Variants in SH2D4A observed in about 807,000 individuals in gnomAD.
SH2D4A encodes the protein SH2 domain containing 4A.
SH2D4A carries 70 observed loss-of-function variants against 64.7 expected under a neutral mutation model. The observed-to-expected ratio is 1.08, with a 90% CI of 0.89 to 1.32. SH2D4A has a LOEUF of 1.32. Ranked by LOEUF, SH2D4A falls within the 40% of genes most tolerant of loss-of-function variation. The pLI, the probability that SH2D4A is intolerant of heterozygous loss-of-function variation, is 0.00. For synonymous variants in SH2D4A, 268 were observed against 200.7 expected (o/e 1.34, Z -2.83); for missense variants, 706 against 540.1 (o/e 1.31, Z -3.04).
intron 2 of SH2D4A, among the ~76,000 whole-genome samples, chr8:19,324,003 A>G (rs1310305724): frequency 6.6e-6 from 1 of 152,184 alleles, no homozygotes; most frequent in African/African-American, 2.4e-5. Context: ...CAAATAAACT[A>G]CACGTAGAGC....
chr8:19,325,682 G>C (rs1042922547), intron 2 of SH2D4A, among the ~76,000 whole-genome samples: 1 of 152,156 alleles, frequency 6.6e-6, no homozygotes, highest in African/African-American at 2.4e-5. Context: ...ACTGCCCTCT[G>C]CTTCCCTAGG....
chr8:19,327,994 C>G (rs146754431), intron 2 of SH2D4A, among the ~76,000 whole-genome samples: 2 of 152,326 alleles, frequency 1.3e-5, no homozygotes, highest in East Asian at 3.9e-4. Flanking sequence ...TCCCTTTCCT[C>G]TCTCAGCAAC....
intron 4 of SH2D4A, among the ~76,000 whole-genome samples, chr8:19,341,304 T>C (rs1563192173): frequency 6.6e-6 from 1 of 152,210 alleles, no homozygotes; most frequent in East Asian, 1.9e-4. Context: ...TTAACTCTAA[T>C]ATCTAAAAGT....
At chr8:19,368,388 C>T (rs2053038054) in intron 7 of SH2D4A, among the ~76,000 whole-genome samples, 4 of 151,976 alleles carry the variant, frequency 2.6e-5, no homozygotes, top group Admixed American at 2.6e-4. Flanking sequence ...TTTTCTTTTT[C>T]TGTGAAAGAT....
intron 4 of SH2D4A, among the ~76,000 whole-genome samples, chr8:19,337,610 C>T (rs1031345359): frequency 2.0e-5 from 3 of 152,090 alleles, no homozygotes; most frequent in African/African-American, 4.8e-5. Context: ...GGGCAGTTTA[C>T]AAAACAAAGA....
chr8:19,326,987 G>A (rs1035149816), intron 2 of SH2D4A, among the ~76,000 whole-genome samples: 8 of 152,124 alleles, frequency 5.3e-5, no homozygotes, highest in African/African-American at 1.4e-4. Flanking sequence ...GACCAAGCCC[G>A]GCCATCTCCT....
In SH2D4A at chr8:19,364,186, A is replaced by G. The variant is rs144162358; in HGVS notation, c.821A>G (p.Gln274Arg). The G allele has an allele frequency of 1.5e-5, 25 of 1,614,058 alleles. No homozygotes were observed. The highest frequency in any genetic ancestry group is 1.8e-5 in the Non-Finnish European group (21 of 1,180,018). Residue 274 changes from glutamine (Q) to arginine (R), a missense_variant, in exon 7 of 10, where the codon CAA becomes CGA. Coordinates refer to ENST00000265807, the MANE Select transcript of SH2D4A (RefSeq NM_022071.4). ...AAAGGAAGAGGCGGTGAGAGGCTGC[A>G]AAGCCCCTTGCGTGTTCCGCAGAAA... ...AQKGRGGERL[Q>R]SPLRVPQKPE... is the part of the protein sequence containing the mutation.
intron 8 of SH2D4A, among the ~76,000 whole-genome samples, chr8:19,385,821 C>T (rs548681578): frequency 2.8e-4 from 42 of 152,292 alleles, no homozygotes; most frequent in African/African-American, 1.0e-3. Context: ...GTCACTACCC[C>T]TAAGTGATCA....
chr8:19,347,329 GAC>G (rs1427939215), intron 4 of SH2D4A, among the ~76,000 whole-genome samples: 1 of 152,190 alleles, frequency 6.6e-6, no homozygotes, highest in East Asian at 1.9e-4. Flanking sequence ...CAGAGAAAAA[GAC>G]AGTGGCATGC....
chr8:19,331,859 G>A (rs1001841281), intron 2 of SH2D4A, among the ~76,000 whole-genome samples: 17 of 152,184 alleles, frequency 1.1e-4, no homozygotes, highest in African/African-American at 3.1e-4. Context: ...CACATAGCTC[G>A]TAAGTGACAG....
chr8:19,321,049 C>T (rs189567848), intron 2 of SH2D4A, among the ~76,000 whole-genome samples: 1 of 152,182 alleles, frequency 6.6e-6, no homozygotes, highest in East Asian at 1.9e-4. Flanking sequence ...ATGTCATTTC[C>T]TCTTGTTATG....
intron 8 of SH2D4A, among the ~76,000 whole-genome samples, chr8:19,380,067 C>T (rs1210076072): frequency 1.3e-5 from 2 of 152,072 alleles, no homozygotes; most frequent in African/African-American, 4.8e-5. Flanking sequence ...TCATAGCAAC[C>T]ATCCTAGTGG....
chr8:19,335,512 A>C (rs2117215242), intron 4 of SH2D4A, among the ~76,000 whole-genome samples: 1 of 152,318 alleles, frequency 6.6e-6, no homozygotes, highest in Non-Finnish European at 1.5e-5. Context: ...TGTAAAGTGC[A>C]ACATAGTAAA....
intron 4 of SH2D4A, among the ~76,000 whole-genome samples, chr8:19,345,888 G>C (rs1216097846): frequency 6.6e-6 from 1 of 152,170 alleles, no homozygotes; most frequent in Non-Finnish European, 1.5e-5. Flanking sequence ...AAGAATTTCT[G>C]CTTCACCCTG....
intron 4 of SH2D4A, among the ~76,000 whole-genome samples, chr8:19,350,835 C>A (rs148155516): frequency 8.5e-5 from 13 of 152,242 alleles, no homozygotes; most frequent in Admixed American, 5.2e-4. Flanking sequence ...TTGGAGTCTG[C>A]TGTACTTTCA....
At chr8:19,382,596 G>C (rs899575385) in intron 8 of SH2D4A, among the ~76,000 whole-genome samples, 1 of 152,050 alleles carries the variant, frequency 6.6e-6, no homozygotes, top group Non-Finnish European at 1.5e-5. Flanking sequence ...AAATTATGAC[G>C]TTCTGTAAGT....
chr8:19,322,322 CTT>C (rs746180163), intron 2 of SH2D4A, among the ~76,000 whole-genome samples: 12 of 152,134 alleles, frequency 7.9e-5, no homozygotes, highest in Non-Finnish European at 1.6e-4. Flanking sequence ...TCCCTGAAGG[CTT>C]GTGCTCCCTG....
At chr8:19,385,310 A>C (rs746899515) in intron 8 of SH2D4A, among the ~76,000 whole-genome samples, 1 of 151,920 alleles carries the variant, frequency 6.6e-6, no homozygotes, top group African/African-American at 2.4e-5. Flanking sequence ...CCCAGGTTCA[A>C]ATGATTCTCC....
intron 9 of SH2D4A, among the ~76,000 whole-genome samples, chr8:19,393,873 T>C (rs1440574977): frequency 1.3e-5 from 2 of 152,206 alleles, no homozygotes; most frequent in Non-Finnish European, 2.9e-5. Context: ...GATGACAATT[T>C]CTCCATGGAC....
Sources: allele counts gnomAD v4.1 joint callset (sites outside exome capture counted in the v4.1 genomes callset), GRCh38; gene constraint gnomAD v4.1.1; transcripts MANE v1.5; gene names NCBI Gene and HGNC (gene_info 2026-07-23, HGNC 2026-07-21).